The following DPY19L1 variants were observed in gnomAD, a reference collection of about 807,000 sequenced individuals.
DPY19L1 encodes the protein protein C-mannosyl-transferase DPY19L1.
DPY19L1 carries 35 observed loss-of-function variants against 96.9 expected under a neutral mutation model. The ratio of observed to expected loss-of-function variants is 0.36; its 90% confidence interval spans 0.28 to 0.48. The LOEUF (loss-of-function observed/expected upper bound fraction) is 0.48, where lower values mean the gene tolerates loss of function less well. Ranked by LOEUF, DPY19L1 falls within the 20% of genes least tolerant of loss-of-function variation. DPY19L1 has a pLI of 0.99. For missense variants in DPY19L1, 521 were observed against 777.9 expected (o/e 0.67, Z 3.93); for synonymous variants, 205 against 252.6 (o/e 0.81, Z 1.79).
rs775483560 is a variant in DPY19L1, at chr7:34,928,998, A to AT, written c.*2574dup. ...CACTTTATTCCTGATACATACTTTC[A>AT]TTTTCTCATTAATATCACTGGCCTA... On this transcript the variant is annotated 3_prime_UTR_variant, in exon 22 of 22. Coordinates refer to ENST00000638088, the MANE Select transcript of DPY19L1 (RefSeq NM_001366673.1). The AT allele has an allele frequency of 5.3e-5, 8 of 152,078 alleles. No individual in the cohort carries two copies. The highest frequency in any genetic ancestry group is 1.0e-4 in the Non-Finnish European group (7 of 68,016). 9.4% of individuals were successfully genotyped at this position (152,078 alleles called of 1,614,324 possible).
intron 13 of DPY19L1, among the ~76,000 whole-genome samples, chr7:34,950,777 T>C (rs1438384204): frequency 6.6e-6 from 1 of 152,080 alleles, no homozygotes; most frequent in Non-Finnish European, 1.5e-5. Flanking sequence ...GCACCTAAAA[T>C]AGCATAAGAA....
chr7:35,009,079 T>C (rs1254189741), intron 6 of DPY19L1, among the ~76,000 whole-genome samples: 9 of 152,256 alleles, frequency 5.9e-5, no homozygotes, highest in Non-Finnish European at 1.0e-4. Flanking sequence ...AAGTCAGAAA[T>C]AGTAACATCA....
At chr7:35,021,863 C>T (rs1296129075) in intron 1 of DPY19L1, among the ~76,000 whole-genome samples, 1 of 152,090 alleles carries the variant, frequency 6.6e-6, no homozygotes, top group Non-Finnish European at 1.5e-5. Context: ...TGCTGCAATT[C>T]ATCTGTTGAT....
chr7:35,003,493 CTT>C (rs782337350), intron 6 of DPY19L1, among the ~76,000 whole-genome samples: 6 of 152,222 alleles, frequency 3.9e-5, no homozygotes, highest in Non-Finnish European at 8.8e-5. Flanking sequence ...GTTAAAGACA[CTT>C]ATATCACTCA....
At chr7:35,033,473 ATGAC>A (rs1041959037) in intron 1 of DPY19L1, among the ~76,000 whole-genome samples, 3 of 152,236 alleles carry the variant, frequency 2.0e-5, no homozygotes, top group African/African-American at 4.8e-5. Context: ...ATGATATGGT[ATGAC>A]TGACTATGAA....
At chr7:34,940,400 C>A in intron 18 of DPY19L1, 73 bp from the exon 19 acceptor site, 5 of 1,336,416 alleles carry the variant, frequency 3.7e-6, no homozygotes, top group South Asian at 3.3e-5. Flanking sequence ...AAACTTCTTC[C>A]CAGAGAAGAA....
At chr7:35,018,218 A>C (rs138983637) in intron 2 of DPY19L1, among the ~76,000 whole-genome samples, 1 of 152,224 alleles carries the variant, frequency 6.6e-6, no homozygotes, top group Non-Finnish European at 1.5e-5. Flanking sequence ...GAAGTACAAT[A>C]AAAGTATAGA....
rs115858584 is a variant in DPY19L1, at chr7:34,966,458, A to G, written c.1092+436T>C. ...TACTACAGGCATGCATCACCATGCT[A>G]AAATTTTTTATTTTGTAGAGATGAG... On this transcript the variant is annotated intron_variant, in intron 10 of 21. Coordinates refer to ENST00000638088, the MANE Select transcript of DPY19L1 (RefSeq NM_001366673.1). Among the ~76,000 whole-genome samples the G allele has an allele frequency of 5.5e-3, 835 of 152,018 alleles. 5 individuals are homozygous for G. The highest frequency in any genetic ancestry group is 0.019 in the African/African-American group (778 of 41,452).
chr7:35,019,232 C>T (rs965596182), intron 1 of DPY19L1, among the ~76,000 whole-genome samples: 3 of 152,086 alleles, frequency 2.0e-5, no homozygotes, highest in African/African-American at 7.2e-5. Flanking sequence ...TGGCAGGCTT[C>T]TGATTAAATA....
At chr7:34,932,516 C>T (rs1783775376) in intron 21 of DPY19L1, among the ~76,000 whole-genome samples, 1 of 152,130 alleles carries the variant, frequency 6.6e-6, no homozygotes, top group Admixed American at 6.5e-5. Flanking sequence ...ATGCATATGG[C>T]TTTAACACTG....
intron 6 of DPY19L1, among the ~76,000 whole-genome samples, chr7:34,993,990 G>A (rs533625579): frequency 8.5e-5 from 13 of 152,174 alleles, no homozygotes; most frequent in East Asian, 3.9e-4. Flanking sequence ...CGTTTGAACC[G>A]GGAAGGTGGA....
intron 6 of DPY19L1, among the ~76,000 whole-genome samples, chr7:34,992,854 T>C (rs1272811066): frequency 6.6e-6 from 1 of 152,146 alleles, no homozygotes; most frequent in African/African-American, 2.4e-5. Context: ...ATAACACCTA[T>C]AACCAATCAA....
intron 7 of DPY19L1, among the ~76,000 whole-genome samples, chr7:34,980,565 ACTC>A (rs1227578550): frequency 2.0e-5 from 3 of 152,178 alleles, no homozygotes; most frequent in Non-Finnish European, 4.4e-5. Context: ...TCTATAAAGA[ACTC>A]CACAGAATTG....
chr7:34,963,070 C>T (rs1398704361), intron 10 of DPY19L1, among the ~76,000 whole-genome samples: 1 of 151,818 alleles, frequency 6.6e-6, no homozygotes, highest in Non-Finnish European at 1.5e-5. Context: ...TGGCACATGC[C>T]TCTAATCCCA....
intron 1 of DPY19L1, among the ~76,000 whole-genome samples, chr7:35,022,791 C>T (rs1360660575): frequency 2.2e-5 from 2 of 92,206 alleles, no homozygotes; most frequent in Non-Finnish European, 5.8e-5. Flanking sequence ...CACACACACA[C>T]ATCATCCTTT....
At chr7:34,945,993 C>T (rs970252734) in intron 15 of DPY19L1, among the ~76,000 whole-genome samples, 1 of 152,188 alleles carries the variant, frequency 6.6e-6, no homozygotes, top group African/African-American at 2.4e-5. Context: ...TAGACAACTA[C>T]TAAGAAGCAC....
chr7:35,030,834 G>A (rs1297280902), intron 1 of DPY19L1, among the ~76,000 whole-genome samples: 2 of 152,086 alleles, frequency 1.3e-5, no homozygotes, highest in Non-Finnish European at 2.9e-5. Flanking sequence ...GGTCCTCCAT[G>A]GAGAACTGAT....
intron 6 of DPY19L1, among the ~76,000 whole-genome samples, chr7:34,999,121 C>T (rs976793669): frequency 5.3e-5 from 8 of 152,066 alleles, no homozygotes; most frequent in African/African-American, 1.7e-4. Flanking sequence ...CCAGATAGAG[C>T]GCACAAAGTA....
intron 6 of DPY19L1, among the ~76,000 whole-genome samples, chr7:34,998,338 G>T (rs1785340234): frequency 6.6e-6 from 1 of 152,150 alleles, no homozygotes; most frequent in Non-Finnish European, 1.5e-5. Flanking sequence ...GATCAGAGGG[G>T]CCACAGGAAC....
Sources: allele counts gnomAD v4.1 joint callset (sites outside exome capture counted in the v4.1 genomes callset), GRCh38; gene constraint gnomAD v4.1.1; transcripts MANE v1.5; gene names NCBI Gene and HGNC (gene_info 2026-07-23, HGNC 2026-07-21).